Variants in SIGLEC12 observed in about 807,000 individuals in gnomAD.
SIGLEC12 encodes the protein sialic acid-binding Ig-like lectin 12.
A neutral mutation model predicts 54.1 loss-of-function variants in SIGLEC12; 43 were observed. The observed-to-expected ratio is 0.80, with a 90% confidence interval of 0.62 to 1.03. The LOEUF (loss-of-function observed/expected upper bound fraction) is 1.03, where lower values mean the gene tolerates loss of function less well. Among genes scored for constraint, SIGLEC12 ranks in the 50% least tolerant of loss-of-function variants. The pLI, the probability that SIGLEC12 is intolerant of heterozygous loss-of-function variation, is 0.00. For missense variants in SIGLEC12, 802 were observed against 735.2 expected, an observed-to-expected ratio of 1.09 and a Z score of -1.05; for synonymous variants, 357 against 307.6, an observed-to-expected ratio of 1.16 and a Z score of -1.68.
chr19:51,491,757 G>A lies in SIGLEC12; in HGVS notation c.1672C>T (p.Pro558Ser). 1 of 1,612,122 alleles carries A rather than the reference G, an allele frequency of 6.2e-7. No individual in the cohort carries two copies. The highest frequency in any genetic ancestry group is 1.1e-5 in the South Asian group (1 of 90,938). Residue 558 changes from proline (P) to serine (S), a missense_variant, in exon 8 of 8, where the codon CCA becomes TCA. Pro to Ser is a moderately conservative substitution (Grantham distance 74, BLOSUM62 -1). Transcript: ENST00000291707. ...HAPPALATPS[P>S]EEGEIQYASL... ...GCATACTGGATCTCTCCTTCCTCTG[G>A]GGAGGGGGTGGCCAGGGCTGGCGGA...
At chr19:51,498,597 G>T (rs1426857051) in intron 4 of SIGLEC12, among the ~76,000 whole-genome samples, 1 of 152,152 alleles carries the variant, frequency 6.6e-6, no homozygotes, top group Non-Finnish European at 1.5e-5. Flanking sequence ...TGTGCTGTAG[G>T]ATAAAATTAG....
chr19:51,494,526 G>A (rs1337959948), intron 7 of SIGLEC12, among the ~76,000 whole-genome samples: 1 of 152,214 alleles, frequency 6.6e-6, no homozygotes, highest in Admixed American at 6.5e-5. Context: ...ATGTAAAATA[G>A]TGTAGCCACT....
chr19:51,497,191 CAG>C (rs1238412074), intron 6 of SIGLEC12, among the ~76,000 whole-genome samples, 156 bp downstream of exon 6: 1 of 152,180 alleles, frequency 6.6e-6, no homozygotes, highest in African/African-American at 2.4e-5. Context: ...GCTCCACAAA[CAG>C]GGGCGCTCAT....
intron 5 of SIGLEC12, 109 bp downstream of exon 5, chr19:51,497,909 C>T: frequency 1.4e-6 from 2 of 1,469,782 alleles, no homozygotes; most frequent in Non-Finnish European, 1.8e-6. Context: ...CACTGCTTGG[C>T]AGCAAGAGGA....
intron 5 of SIGLEC12, 137 bp from the exon 6 acceptor site, chr19:51,497,582 T>C (rs182118359): frequency 2.6e-5 from 16 of 614,214 alleles, no homozygotes; most frequent in Middle Eastern, 2.7e-4. Context: ...GGAAGGGAAC[T>C]TCTCCTGAGG....
At chr19:51,495,226 T>TGGATGGATGGAC (rs1568528743) in intron 7 of SIGLEC12, among the ~76,000 whole-genome samples, 16 of 140,494 alleles carry the variant, frequency 1.1e-4, no homozygotes, top group South Asian at 4.8e-4. Context: ...GGTGGATGGA[T>TGGATGGATGGAC]GGATGGATGG....
chr19:51,497,801 G>A (rs2034890), intron 5 of SIGLEC12, among the ~76,000 whole-genome samples: 9,740 of 152,210 alleles, frequency 0.064, 499 homozygotes, highest in East Asian at 0.14. Flanking sequence ...ACTAGTCCAG[G>A]CACTGGAAAG....
intron 1 of SIGLEC12, among the ~76,000 whole-genome samples, chr19:51,501,041 G>T (rs535618180): frequency 6.6e-6 from 1 of 152,260 alleles, no homozygotes; most frequent in South Asian, 2.1e-4. Context: ...CCAAAACAAG[G>T]AGTCATAAGG....
intron 5 of SIGLEC12, 120 bp downstream of exon 5, chr19:51,497,898 T>A: frequency 7.1e-7 from 1 of 1,405,896 alleles, no homozygotes; most frequent in Non-Finnish European, 9.7e-7. Context: ...CACCCCGCAC[T>A]CACTGCTTGG....
At position 51,501,402 on chromosome 19, in the gene SIGLEC12, G is replaced by A. The variant is rs1178519847; in HGVS notation, c.332C>T (p.Thr111Ile). 2.5e-6 allele frequency: 4 copies of A among 1,614,110 alleles called. No homozygotes were observed. Among genetic ancestry groups the A allele is most frequent in the Non-Finnish European group, 3.4e-6 (4 of 1,180,020 alleles). Residue 111 changes from threonine (T) to isoleucine (I), a missense_variant, in exon 1 of 8, where the codon ACC becomes ATC. Thr to Ile is a moderately conservative substitution (Grantham distance 89). Transcript: ENST00000291707. ...NKDCTLSIRDTRESDAGTYVF... is the reference protein window; with the variant it reads ...NKDCTLSIRDIRESDAGTYVF... ...GTATGTCCCTGCATCACTCTCTCTGGTGTCTCTGATGCTCAGGGTACAATC... is the reference window on the plus strand; with the variant it reads ...GTATGTCCCTGCATCACTCTCTCTGATGTCTCTGATGCTCAGGGTACAATC...
In SIGLEC12 at chr19:51,499,650, G is replaced by T. The variant is rs771217767; in HGVS notation, c.875C>A (p.Thr292Asn). Residue 292 changes from threonine to asparagine, a missense_variant, in exon 3 of 8, where the codon ACC becomes AAC. Physicochemically the swap from Thr to Asn is moderately conservative, Grantham distance 65. Coordinates refer to ENST00000291707, the MANE Select transcript of SIGLEC12 (RefSeq NM_053003.4). ...TLESGHPRNL[T>N]CSVPWACEQG... The stretch of plus-strand genomic sequence containing the variant: ...TTCACAGGCCCAGGGCACAGAGCAG[G>T]TCAGGTTCCTGGGGTGGCCAGACTC... 25 of 1,614,124 alleles carry T rather than the reference G, an allele frequency of 1.5e-5. No individual in the cohort carries two copies. Among genetic ancestry groups the T allele is most frequent in the South Asian group, 1.2e-4 (11 of 91,074 alleles).
At chr19:51,492,578 A>T (rs1990134608) in intron 7 of SIGLEC12, among the ~76,000 whole-genome samples, 1 of 152,200 alleles carries the variant, frequency 6.6e-6, no homozygotes, top group Non-Finnish European at 1.5e-5. Context: ...GGTTAAGGAT[A>T]TCGAGATGGG....
rs1990347506 is a variant in SIGLEC12, at chr19:51,499,932, C to T, written c.796G>A (p.Val266Met). 4 of 1,610,670 alleles carry T rather than the reference C, an allele frequency of 2.5e-6. No homozygotes were observed. The highest frequency in any genetic ancestry group is 3.4e-6 in the Non-Finnish European group (4 of 1,177,936). The change falls in exon 2 of 8, where the codon GTG becomes ATG. Residue 266 changes from valine (V) to methionine (M), a missense_variant. Coordinates refer to ENST00000291707, the MANE Select transcript of SIGLEC12 (RefSeq NM_053003.4). ...GCCAGAGATTTACCTGTCACATGCACAGAGAGCTTGTCATATATGTAGTTC... is the reference window on the plus strand; with the variant it reads ...GCCAGAGATTTACCTGTCACATGCATAGAGAGCTTGTCATATATGTAGTTC... Reference protein sequence around the residue: ...KWNYIYDKLSVHVTALTHMPT... With the variant: ...KWNYIYDKLSMHVTALTHMPT...
In SIGLEC12 at chr19:51,498,044, C is replaced by T. The variant is rs762766963; in HGVS notation, c.1379G>A (p.Ser460Asn). The change falls in exon 5 of 8, where the codon AGC (serine) becomes AAC (asparagine). Residue 460 changes from serine (S) to asparagine (N), a missense_variant. Ser to Asn is a conservative substitution (Grantham distance 46). Coordinates refer to ENST00000291707, the MANE Select transcript of SIGLEC12 (RefSeq NM_053003.4). ...TGTGTACTCGTTTTGCAGGGAGAGGCTCAGGGAAATGTGCTGGGAGCCTAG... is the reference window on the plus strand; with the variant it reads ...TGTGTACTCGTTTTGCAGGGAGAGGTTCAGGGAAATGTGCTGGGAGCCTAG... ...NPLGSQHISL[S>N]LSLQNEYTGK... is the part of the protein sequence containing the mutation. 2 of 1,614,230 alleles carry T rather than the reference C, an allele frequency of 1.2e-6. No individual in the cohort carries two copies. Among genetic ancestry groups the T allele is most frequent in the Non-Finnish European group, 1.7e-6 (2 of 1,180,032 alleles).
intron 6 of SIGLEC12, 75 bp from the exon 7 acceptor site, chr19:51,497,051 A>G (rs1990260689): frequency 8.7e-6 from 14 of 1,609,112 alleles, no homozygotes; most frequent in South Asian, 2.2e-5. Context: ...CCTGCCCTGT[A>G]TTTCCTATTG....
rs1990102869 is a variant in SIGLEC12 at position 51,491,650 on chromosome 19, G to T, written c.1779C>A (p.Ile593=). The T allele has an allele frequency of 6.2e-7, 1 of 1,613,964 alleles. No individual in the cohort carries two copies. The highest frequency in any genetic ancestry group is 1.3e-5 in the African/African-American group (1 of 74,914). The change falls in exon 8 of 8, where the codon ATC becomes ATA. Residue 593 remains isoleucine, a synonymous_variant. Transcript: ENST00000291707. ...AIGYEYSEIN[I]PK Reference sequence around the variant, plus strand: ...GAGTCTCTGCAGTTTCTCACTTGGGGATGTTGATCTCGGAGTACTCATAGC... The same window carrying T: ...GAGTCTCTGCAGTTTCTCACTTGGGTATGTTGATCTCGGAGTACTCATAGC...
rs1990390712 is a variant in SIGLEC12 at position 51,501,383 on chromosome 19, C to A, written c.351G>T (p.Gly117=). Residue 117 remains glycine (G), a synonymous_variant, in exon 1 of 8, where the codon GGG becomes GGT. Transcript: ENST00000291707. ...CTCTCTCTACACAAAAGACGTATGTCCCTGCATCACTCTCTCTGGTGTCTC... is the reference window on the plus strand; with the variant it reads ...CTCTCTCTACACAAAAGACGTATGTACCTGCATCACTCTCTCTGGTGTCTC... ...SIRDTRESDA[G]TYVFCVERGN... 6.2e-7 allele frequency: 1 copy of A among 1,614,214 alleles called. No homozygotes were observed. The highest frequency in any genetic ancestry group is 8.5e-7 in the Non-Finnish European group (1 of 1,180,042).
chr19:51,494,675 C>T (rs1316574972), intron 7 of SIGLEC12, among the ~76,000 whole-genome samples: 1 of 152,186 alleles, frequency 6.6e-6, no homozygotes, highest in East Asian at 1.9e-4. Flanking sequence ...ATGCTCACGG[C>T]AGCATTATTC....
At chr19:51,497,125 A>C in intron 6 of SIGLEC12, 149 bp from the exon 7 acceptor site, 1 of 1,311,444 alleles carries the variant, frequency 7.6e-7, no homozygotes, top group Non-Finnish European at 1.1e-6. Context: ...CCAATGTCGA[A>C]AACAGAGGCT....
Sources: allele counts gnomAD v4.1 joint callset (sites outside exome capture counted in the v4.1 genomes callset), GRCh38; gene constraint gnomAD v4.1.1; transcripts MANE v1.5; gene names NCBI Gene and HGNC (gene_info 2026-07-23, HGNC 2026-07-21).